The following ARRDC4 variants were observed in gnomAD, a reference collection of about 807,000 sequenced individuals.
ARRDC4 encodes the protein arrestin domain-containing protein 4.
ARRDC4 carries 40 observed loss-of-function variants against 44.6 expected under a neutral mutation model. That is an observed-to-expected ratio of 0.90 (90% confidence interval 0.70 to 1.17). The LOEUF (loss-of-function observed/expected upper bound fraction) is 1.17. Among genes scored for constraint, ARRDC4 ranks in the 50% most tolerant of loss-of-function variants. ARRDC4 has a pLI of 0.00. For synonymous variants in ARRDC4, 211 were observed against 221.2 expected (o/e 0.95, Z 0.41); for missense variants, 550 against 559.1 (o/e 0.98, Z 0.16).
rs1302180698 is a variant in ARRDC4 at position 97,969,300 on chromosome 15, A to G, written c.803A>G (p.Asn268Ser). ...GCTTCTGGGAGCACAGACACATGGA[A>G]TGGGAAAACGCTAAAAATCCCACCT... ...HIASGSTDTW[N>S]GKTLKIPPVT... The change falls in exon 5 of 8, where the codon AAT becomes AGT. Residue 268 changes from asparagine to serine, a missense_variant. Physicochemically the swap from Asn to Ser is conservative, Grantham distance 46. Transcript: ENST00000268042. 2 of 1,613,788 alleles carry G rather than the reference A, an allele frequency of 1.2e-6. No homozygotes were observed. Among genetic ancestry groups the G allele is most frequent in the Non-Finnish European group, 1.7e-6 (2 of 1,179,860 alleles).
In ARRDC4 at chr15:97,971,750, C is replaced by T. The variant is rs1196900272; in HGVS notation, c.*563C>T. On this transcript the variant is annotated 3_prime_UTR_variant, in exon 8 of 8. Coordinates refer to ENST00000268042, the MANE Select transcript of ARRDC4 (RefSeq NM_183376.3). ...TCTTGAGATCATGGTCATATGAGGT[C>T]CTAATGAAGTACTACAGTTTTCATT... is the stretch of plus-strand genomic sequence containing the variant. The T allele has an allele frequency of 1.9e-5, 3 of 153,894 alleles. No individual in the cohort carries two copies. The highest frequency in any genetic ancestry group is 4.8e-5 in the African/African-American group (2 of 41,398). The allele number at this position is 153,894 out of a possible 1,614,324, so 9.5% of individuals were successfully genotyped here. A position where few individuals can be genotyped will look rare whatever the true frequency, so the allele number is the denominator to read the frequency against.
rs1899554011 is a variant in ARRDC4 at position 97,973,772 on chromosome 15, ATTACT to A, written c.*2588_*2592del. The A allele has an allele frequency of 6.6e-6, 1 of 152,406 alleles. No homozygotes were observed. The allele number at this position is 152,406 out of a possible 1,614,324, so 9.4% of individuals were successfully genotyped here. A position where few individuals can be genotyped will look rare whatever the true frequency, so the allele number is the denominator to read the frequency against. On this transcript the variant is annotated 3_prime_UTR_variant, in exon 8 of 8. Transcript: ENST00000268042. ...AACAATTTAACCCACAGGAAAAAAA[ATTACT>A]TTGTATGCTTGTTTGAACCCTATGG...
In ARRDC4 at chr15:97,961,104, C is replaced by G. The variant is rs1019867708; in HGVS notation, c.243C>G (p.Ala81=). 2.7e-6 allele frequency: 4 copies of G among 1,456,638 alleles called. No homozygotes were observed. Among genetic ancestry groups the G allele is most frequent in the South Asian group, 2.6e-5 (2 of 75,546 alleles). 90.2% of individuals were successfully genotyped at this position (1,456,638 alleles called of 1,614,324 possible). Residue 81 remains alanine, a synonymous_variant, in exon 1 of 8, where the codon GCC becomes GCG. Coordinates refer to ENST00000268042, the MANE Select transcript of ARRDC4 (RefSeq NM_183376.3). ...TCPRASASTA[A]LAVFSEVEYL... is the part of the protein sequence containing the mutation. ...CCCGCGCCTCGGCCAGCACCGCGGC[C>G]CTGGCTGTCTTCTCGGAGGTGGAGT...
Position 97,970,456 on chromosome 15 carries a change from A to G in ARRDC4, c.1046-133A>G. ...TATTTTTTATTGTAATATGCATAAAACCTTGCTGATTAGAGGGAAAGAATG... is the reference window on the plus strand; with the variant it reads ...TATTTTTTATTGTAATATGCATAAAGCCTTGCTGATTAGAGGGAAAGAATG... On this transcript the variant is annotated intron_variant, in intron 6 of 7. Transcript: ENST00000268042. The surrounding 1 kb of genome is among the most constrained non-coding windows in gnomAD (Gnocchi z 4.2). The G allele has an allele frequency of 2.2e-6, 2 of 895,110 alleles. No homozygotes were observed. Among genetic ancestry groups the G allele is most frequent in the South Asian group, 3.7e-5 (2 of 53,974 alleles). The allele number at this position is 895,110 out of a possible 1,614,324, so 55.4% of individuals were successfully genotyped here.
At position 97,966,898 on chromosome 15, in the gene ARRDC4, G is replaced by T. The variant is rs1350203065; in HGVS notation, c.522+856G>T. Among the ~76,000 whole-genome samples the T allele has an allele frequency of 6.6e-6, 1 of 152,174 alleles. No individual in the cohort carries two copies. The highest frequency in any genetic ancestry group is 2.4e-5 in the African/African-American group (1 of 41,446). ...CAAAGATGTATTTTTCATGTTGGAGGTTTTTCTAGCCTGTGTTTTTAAAGA... is the reference window on the plus strand; with the variant it reads ...CAAAGATGTATTTTTCATGTTGGAGTTTTTTCTAGCCTGTGTTTTTAAAGA... On this transcript the variant is annotated intron_variant, in intron 3 of 7. Coordinates refer to ENST00000268042, the MANE Select transcript of ARRDC4 (RefSeq NM_183376.3). The surrounding 1 kb of genome is among the most constrained non-coding windows in gnomAD (Gnocchi z 4.7).
rs1302451963 is a variant in ARRDC4 at position 97,971,183 on chromosome 15, T to C, written c.1253T>C (p.Leu418Pro). 2 of 1,612,990 alleles carry C rather than the reference T, an allele frequency of 1.2e-6. No homozygotes were observed. Among genetic ancestry groups the C allele is most frequent in the African/African-American group, 2.7e-5 (2 of 74,884 alleles). ...GAGAGCCAGCCTGTTTCCTTCATTC[T>C]CTGAACGTATTTCAGAAATCACTGT... is the stretch of plus-strand genomic sequence containing the variant. ...VEESQPVSFI[L>P] Residue 418 changes from leucine to proline, a missense_variant, in exon 8 of 8, where the codon CTC becomes CCC. By Grantham distance (98) the Leu-to-Pro change is moderately conservative. Transcript: ENST00000268042.
At chr15:97,963,360 C>G (rs939319934) in intron 1 of ARRDC4, among the ~76,000 whole-genome samples, 3 of 152,160 alleles carry the variant, frequency 2.0e-5, no homozygotes, top group Non-Finnish European at 4.4e-5. Flanking sequence ...GATTGAATTC[C>G]AAATATTATA....
In ARRDC4 at chr15:97,971,943, A is replaced by G. The variant is rs1454092584; in HGVS notation, c.*756A>G. 1 of 152,518 alleles carries G rather than the reference A, an allele frequency of 6.6e-6. No individual in the cohort carries two copies. The highest frequency in any genetic ancestry group is 1.5e-5 in the Non-Finnish European group (1 of 68,020). 9.4% of individuals were successfully genotyped at this position (152,518 alleles called of 1,614,324 possible). A position where few individuals can be genotyped will look rare whatever the true frequency, so the allele number is the denominator to read the frequency against. On this transcript the variant is annotated 3_prime_UTR_variant, in exon 8 of 8. Coordinates refer to ENST00000268042, the MANE Select transcript of ARRDC4 (RefSeq NM_183376.3). ...TTTTACCCCCTTTAAGTGCTTTAAC[A>G]GGATATACGTTTGATTTTCCTCATA...
Position 97,968,143 on chromosome 15 carries a change from TG to T in ARRDC4, c.625+28del, listed in dbSNP as rs763462809. ...TAAGCAAAATGCTTGAAAGTCCAAA[TG>T]AAAGATTTCATTCATTTTCTTAGCT... On this transcript the variant is annotated intron_variant, in intron 4 of 7. Transcript: ENST00000268042. This position sits in a 1 kb window ranked among gnomAD's most constrained non-coding sequence, Gnocchi z 5.4. 2.8e-6 allele frequency: 4 copies of T among 1,414,384 alleles called. No homozygotes were observed. The highest frequency in any genetic ancestry group is 1.8e-4 in the Middle Eastern group (1 of 5,514). The allele number at this position is 1,414,384 out of a possible 1,614,324, so 87.6% of individuals were successfully genotyped here. A position where few individuals can be genotyped will look rare whatever the true frequency, so the allele number is the denominator to read the frequency against.
Position 97,970,070 on chromosome 15 carries a change from TAACGAAGC to T in ARRDC4, c.1045+26_1045+33del. ...GGTAAAATATGTTGGCGTTCTTTCA[TAACGAAGC>T]TTTACCTAGAAAATACCTAGGAACA... On this transcript the variant is annotated intron_variant, in intron 6 of 7. Transcript: ENST00000268042. This position sits in a 1 kb window ranked among gnomAD's most constrained non-coding sequence, Gnocchi z 4.2. 5.0e-6 allele frequency: 8 copies of T among 1,597,144 alleles called. No individual in the cohort carries two copies. The highest frequency in any genetic ancestry group is 6.9e-6 in the Non-Finnish European group (8 of 1,167,150).
At chr15:97,964,501 T>C (rs959347709) in intron 1 of ARRDC4, among the ~76,000 whole-genome samples, 2 of 152,342 alleles carry the variant, frequency 1.3e-5, no homozygotes, top group South Asian at 4.1e-4. Context: ...CCATGAAGTC[T>C]ACTTTGGATC....
Position 97,972,078 on chromosome 15 carries a change from C to T in ARRDC4, c.*891C>T, listed in dbSNP as rs1289402522. On this transcript the variant is annotated 3_prime_UTR_variant, in exon 8 of 8. Coordinates refer to ENST00000268042, the MANE Select transcript of ARRDC4 (RefSeq NM_183376.3). The surrounding 1 kb of genome is among the most constrained non-coding windows in gnomAD (Gnocchi z 5.3). Reference sequence around the variant, plus strand: ...AATAAAAGGCCTTTTTCTAACCTACCTCTAATGGGGTTATCAGATATGTTT... The same window carrying T: ...AATAAAAGGCCTTTTTCTAACCTACTTCTAATGGGGTTATCAGATATGTTT... 1 of 152,394 alleles carries T rather than the reference C, an allele frequency of 6.6e-6. No homozygotes were observed. The highest frequency in any genetic ancestry group is 1.5e-5 in the Non-Finnish European group (1 of 68,020). The allele number at this position is 152,394 out of a possible 1,614,324, so 9.4% of individuals were successfully genotyped here. A position where few individuals can be genotyped will look rare whatever the true frequency, so the allele number is the denominator to read the frequency against.
chr15:97,960,949 G>T lies in ARRDC4; in HGVS notation c.88G>T (p.Gly30Cys). ...LGLVFEDERK[G>C]CYSSGETVAG... The stretch of plus-strand genomic sequence containing the variant: ...TCTGGTGTTCGAGGACGAGCGCAAG[G>T]GCTGCTATTCCAGCGGCGAGACAGT... The change falls in exon 1 of 8, where the codon GGC becomes TGC. Residue 30 changes from glycine to cysteine, a missense_variant. Coordinates refer to ENST00000268042, the MANE Select transcript of ARRDC4 (RefSeq NM_183376.3). 1 of 1,470,408 alleles carries T rather than the reference G, an allele frequency of 6.8e-7. No individual in the cohort carries two copies. Among genetic ancestry groups the T allele is most frequent in the Non-Finnish European group, 9.0e-7 (1 of 1,109,124 alleles). The allele number at this position is 1,470,408 out of a possible 1,614,324, so 91.1% of individuals were successfully genotyped here. A position where few individuals can be genotyped will look rare whatever the true frequency, so the allele number is the denominator to read the frequency against.
Position 97,967,184 on chromosome 15 carries a change from G to A in ARRDC4, c.523-830G>A, listed in dbSNP as rs1231958307. Among the ~76,000 whole-genome samples the A allele has an allele frequency of 1.3e-5, 2 of 152,076 alleles. No homozygotes were observed. The highest frequency in any genetic ancestry group is 6.6e-5 in the Admixed American group (1 of 15,256). On this transcript the variant is annotated intron_variant, in intron 3 of 7. Transcript: ENST00000268042. The surrounding 1 kb of genome is among the most constrained non-coding windows in gnomAD (Gnocchi z 5.0). Reference sequence around the variant, plus strand: ...GTATTTTTAAAAACTACTTAGAATTGGGAGGCTGAATATTTTTAAAGTTTT... The same window carrying A: ...GTATTTTTAAAAACTACTTAGAATTAGGAGGCTGAATATTTTTAAAGTTTT...
chr15:97,962,847 A>G (rs2141532184), intron 1 of ARRDC4, among the ~76,000 whole-genome samples: 1 of 152,340 alleles, frequency 6.6e-6, no homozygotes, highest in East Asian at 1.9e-4. Flanking sequence ...TAATTTAATT[A>G]CAAAACCTGG....
rs540469005 is a variant in ARRDC4 at position 97,971,277 on chromosome 15, A to G, written c.*90A>G. 59 of 1,286,752 alleles carry G rather than the reference A, an allele frequency of 4.6e-5. No homozygotes were observed. The African/African-American group carries it at 6.5e-4, about 14-fold the overall frequency. 79.7% of individuals were successfully genotyped at this position (1,286,752 alleles called of 1,614,324 possible). ...TTTGGGAAAGAGACAGGAAAGATTC[A>G]CTTGAAAACATAAATGAACGTCAAG... On this transcript the variant is annotated 3_prime_UTR_variant, in exon 8 of 8. Transcript: ENST00000268042.
intron 1 of ARRDC4, among the ~76,000 whole-genome samples, chr15:97,961,659 G>A (rs1899323756): frequency 6.6e-6 from 1 of 152,174 alleles, no homozygotes; most frequent in African/African-American, 2.4e-5. Context: ...AGGGGTAGGA[G>A]TTCAAAGGAA....
In ARRDC4 at chr15:97,961,730, G is replaced by C. The variant is rs566479871; in HGVS notation, c.307+562G>C. 2.0e-4 allele frequency among the ~76,000 whole-genome samples: 30 copies of C among 152,268 alleles called. No individual in the cohort carries two copies. In the South Asian group the frequency reaches 6.0e-3, roughly 31 times the overall value. The stretch of plus-strand genomic sequence containing the variant: ...CTCTTCTGGGGAGCAGGGCAACTTA[G>C]TAAGAGTTGTACCTCTACCTGATAC... On this transcript the variant is annotated intron_variant, in intron 1 of 7. Transcript: ENST00000268042.
Position 97,960,774 on chromosome 15 carries a change from AGCGCCTGTGACAGCGGCGCC to A in ARRDC4, c.-85_-66del. The A allele has an allele frequency of 8.5e-7, 1 of 1,178,256 alleles. No individual in the cohort carries two copies. The highest frequency in any genetic ancestry group is 1.1e-6 in the Non-Finnish European group (1 of 934,424). The allele number at this position is 1,178,256 out of a possible 1,614,324, so 73.0% of individuals were successfully genotyped here. A position where few individuals can be genotyped will look rare whatever the true frequency, so the allele number is the denominator to read the frequency against. The stretch of plus-strand genomic sequence containing the variant: ...GCCGCGGCGGCCTTACCCTGCCGCG[AGCGCCTGTGACAGCGGCGCC>A]GCTGTGCTCGCGACCCCGGCTCCGG... On this transcript the variant is annotated 5_prime_UTR_variant, in exon 1 of 8. Transcript: ENST00000268042.
Sources: gnomAD v4.1 joint callset for allele counts (sites outside exome capture counted in the v4.1 genomes callset) on GRCh38, gnomAD v4.1.1 for gene constraint, Gnocchi (gnomAD v3.1) non-coding constraint, MANE v1.5 for transcripts, NCBI Gene and HGNC (gene_info 2026-07-23, HGNC 2026-07-21) for gene names.